PPP1R14C: variants seen among roughly 807,000 people sequenced by gnomAD.
PPP1R14C encodes protein phosphatase 1 regulatory inhibitor subunit 14C.
In PPP1R14C, 16 loss-of-function variants were observed where a neutral mutation model predicts 20.4. The observed-to-expected ratio is 0.78, with a 90% CI of 0.53 to 1.19. The LOEUF (loss-of-function observed/expected upper bound fraction) is 1.19, where lower values mean the gene tolerates loss of function less well. Ranked by LOEUF, PPP1R14C falls within the 50% of genes most tolerant of loss-of-function variation. The probability of loss-of-function intolerance (pLI) is 0.00; values close to 1 mark genes in which losing one functional copy is unlikely to be tolerated. For synonymous variants in PPP1R14C, 91 were observed against 91.0 expected, an observed-to-expected ratio of 1.00 and a Z score of 0.00; for missense variants, 211 against 220.1, an observed-to-expected ratio of 0.96 and a Z score of 0.26.
intron 1 of PPP1R14C, among the ~76,000 whole-genome samples, chr6:150,154,019 T>C (rs1279682294): frequency 6.6e-6 from 1 of 152,170 alleles, no homozygotes; most frequent in Admixed American, 6.5e-5. Context: ...GAGGAGACCA[T>C]ATGATTGAAA....
In PPP1R14C at chr6:150,144,194, A is replaced by C. The variant is rs115054369; in HGVS notation, c.306+696A>C. On this transcript the variant is annotated intron_variant, in intron 1 of 3. Transcript: ENST00000361131. ...GGGCGCAGAATGAGCATCTGGGGCA[A>C]CCTCGACGGGTGCCTCGGTGGAAGG... 1.1e-3 allele frequency among the ~76,000 whole-genome samples: 167 copies of C among 152,224 alleles called. 1 individual carries two copies. Among genetic ancestry groups the C allele is most frequent in the African/African-American group, 3.9e-3 (161 of 41,548 alleles).
Position 150,249,815 on chromosome 6 carries a change from T to A in PPP1R14C, c.*995T>A. The A allele has an allele frequency of 2.9e-6, 1 of 341,442 alleles. No individual in the cohort carries two copies. Among genetic ancestry groups the A allele is most frequent in the Non-Finnish European group, 5.3e-6 (1 of 190,444 alleles). The allele number at this position is 341,442 out of a possible 1,614,324, so 21.2% of individuals were successfully genotyped here. A position where few individuals can be genotyped will look rare whatever the true frequency, so the allele number is the denominator to read the frequency against. Reference sequence around the variant, plus strand: ...CTGTGCCTGGGTAGTATCAGACCAGTGGGAGTAAACCGAGTGTTAAGTGTC... The same window carrying A: ...CTGTGCCTGGGTAGTATCAGACCAGAGGGAGTAAACCGAGTGTTAAGTGTC... On this transcript the variant is annotated 3_prime_UTR_variant, in exon 4 of 4. Coordinates refer to ENST00000361131, the MANE Select transcript of PPP1R14C (RefSeq NM_030949.3).
At position 150,249,476 on chromosome 6, in the gene PPP1R14C, G is replaced by T; in HGVS notation, c.*656G>T. 5.0e-6 allele frequency: 2 copies of T among 398,660 alleles called. No individual in the cohort carries two copies. The highest frequency in any genetic ancestry group is 8.8e-6 in the Non-Finnish European group (2 of 226,072). The allele number at this position is 398,660 out of a possible 1,614,324, so 24.7% of individuals were successfully genotyped here. A position where few individuals can be genotyped will look rare whatever the true frequency, so the allele number is the denominator to read the frequency against. ...ATGCACTACACCACAGAAATGTTAA[G>T]TTGGTCAAGGGCTTAATTTATGGAA... On this transcript the variant is annotated 3_prime_UTR_variant, in exon 4 of 4. Transcript: ENST00000361131.
chr6:150,204,048 T>C (rs1477639561), intron 1 of PPP1R14C, among the ~76,000 whole-genome samples: 2 of 152,184 alleles, frequency 1.3e-5, no homozygotes, highest in Non-Finnish European at 2.9e-5. Context: ...GATCTTCATG[T>C]AGGTGCTGCA....
At chr6:150,197,238 C>T (rs745509726) in intron 1 of PPP1R14C, among the ~76,000 whole-genome samples, 2 of 152,260 alleles carry the variant, frequency 1.3e-5, no homozygotes, top group South Asian at 4.1e-4. Context: ...GGGAGGAGCC[C>T]AGTGTGAGAG....
chr6:150,196,195 C>G, intron 1 of PPP1R14C: 1 of 901,670 alleles, frequency 1.1e-6, no homozygotes, highest in South Asian at 5.1e-5. Context: ...AGCCTAGAAA[C>G]TGGCAAAGAT....
Position 150,143,936 on chromosome 6 carries a change from G to C in PPP1R14C, c.306+438G>C, listed in dbSNP as rs1777153424. The stretch of plus-strand genomic sequence containing the variant: ...TCCGGGCAGCCCTGATTTTTGTGGA[G>C]AACGAGCAGGGAAGGAAGGAAGCTG... On this transcript the variant is annotated intron_variant, in intron 1 of 3. Transcript: ENST00000361131. The surrounding 1 kb of genome is among the most constrained non-coding windows in gnomAD (Gnocchi z 5.6). 1.3e-5 allele frequency among the ~76,000 whole-genome samples: 2 copies of C among 152,190 alleles called. No homozygotes were observed. The highest frequency in any genetic ancestry group is 2.1e-4 in the South Asian group (1 of 4,832).
chr6:150,184,034 A>G (rs1006364567), intron 1 of PPP1R14C, among the ~76,000 whole-genome samples: 2 of 152,202 alleles, frequency 1.3e-5, no homozygotes, highest in African/African-American at 4.8e-5. Context: ...TTGAAGAAGG[A>G]TTAGTTGTGA....
intron 3 of PPP1R14C, among the ~76,000 whole-genome samples, chr6:150,239,401 C>T (rs1011894054): frequency 6.6e-6 from 1 of 152,172 alleles, no homozygotes; most frequent in South Asian, 2.1e-4. Context: ...AGTGGAATTA[C>T]ATTAGAAATA....
chr6:150,186,110 G>T (rs964018119), intron 1 of PPP1R14C, among the ~76,000 whole-genome samples: 1 of 152,172 alleles, frequency 6.6e-6, no homozygotes, highest in Non-Finnish European at 1.5e-5. Context: ...GATAAATGGA[G>T]TGGGGCCCCA....
chr6:150,230,256 C>T (rs1476505337), intron 3 of PPP1R14C, among the ~76,000 whole-genome samples: 2 of 152,184 alleles, frequency 1.3e-5, no homozygotes, highest in African/African-American at 4.8e-5. Flanking sequence ...ACTTTGCCTG[C>T]TTCCCACCCA....
chr6:150,237,422 C>T (rs768410045), intron 3 of PPP1R14C, among the ~76,000 whole-genome samples: 10 of 152,074 alleles, frequency 6.6e-5, no homozygotes, highest in African/African-American at 7.2e-5. Flanking sequence ...ACGATGGTCT[C>T]GAACTCCCAA....
At chr6:150,145,691 G>C (rs1777172928) in intron 1 of PPP1R14C, among the ~76,000 whole-genome samples, 1 of 152,172 alleles carries the variant, frequency 6.6e-6, no homozygotes, top group East Asian at 1.9e-4. Context: ...ACGCACCCTA[G>C]CTTACAGCTC....
In PPP1R14C at chr6:150,145,663, G is replaced by C. The variant is rs534553428; in HGVS notation, c.306+2165G>C. Among the ~76,000 whole-genome samples the C allele has an allele frequency of 2.0e-5, 3 of 152,300 alleles. No individual in the cohort carries two copies. The East Asian group carries it at 5.8e-4, about 29-fold the overall frequency. On this transcript the variant is annotated intron_variant, in intron 1 of 3. Transcript: ENST00000361131. ...ATAGCTTCAAGTATTTCAGCCTCTG[G>C]TTTGTGAATCAAGAAGGACGCACCC... is the stretch of plus-strand genomic sequence containing the variant.
At chr6:150,146,020 T>A (rs1407356687) in intron 1 of PPP1R14C, among the ~76,000 whole-genome samples, 2 of 152,220 alleles carry the variant, frequency 1.3e-5, no homozygotes, top group Non-Finnish European at 2.9e-5. Context: ...ACTTTCTGTC[T>A]GTGTTTTTTT....
intron 3 of PPP1R14C, among the ~76,000 whole-genome samples, chr6:150,217,193 G>GTTTTTTTTTTTTTT (rs201443446): frequency 6.7e-6 from 1 of 148,748 alleles, no homozygotes. Context: ...TTATTGGTAT[G>GTTTTTTTTTTTTTT]TATTTTTTTT....
rs936000521 is a variant in PPP1R14C at position 150,143,897 on chromosome 6, G to C, written c.306+399G>C. 5.3e-5 allele frequency among the ~76,000 whole-genome samples: 8 copies of C among 152,330 alleles called. No homozygotes were observed. The highest frequency in any genetic ancestry group is 3.3e-4 in the Admixed American group (5 of 15,300). ...GGATACAGCAGCCAAAGAGAGCAGC[G>C]CTCACTGCTGGGATCCGGGCAGCCC... is the stretch of plus-strand genomic sequence containing the variant. On this transcript the variant is annotated intron_variant, in intron 1 of 3. Coordinates refer to ENST00000361131, the MANE Select transcript of PPP1R14C (RefSeq NM_030949.3). The surrounding 1 kb of genome is among the most constrained non-coding windows in gnomAD (Gnocchi z 5.6).
chr6:150,218,478 C>T (rs1298961621), intron 3 of PPP1R14C, among the ~76,000 whole-genome samples: 1 of 111,552 alleles, frequency 9.0e-6, no homozygotes, highest in Non-Finnish European at 1.8e-5. Flanking sequence ...ATCTGAACCC[C>T]CCCCCCCAAA....
intron 3 of PPP1R14C, among the ~76,000 whole-genome samples, chr6:150,238,824 G>A (rs1778398680): frequency 6.6e-6 from 1 of 152,238 alleles, no homozygotes; most frequent in Admixed American, 6.5e-5. Flanking sequence ...GGTGATCGTA[G>A]GCAGTGACTT....
Sources: gnomAD v4.1 joint callset for allele counts (sites outside exome capture counted in the v4.1 genomes callset) on GRCh38, gnomAD v4.1.1 for gene constraint, Gnocchi (gnomAD v3.1) non-coding constraint, MANE v1.5 for transcripts, NCBI Gene and HGNC (gene_info 2026-07-23, HGNC 2026-07-21) for gene names.